The following MFHAS1 variants were observed in gnomAD, a reference collection of about 807,000 sequenced individuals.
The protein encoded by MFHAS1 is multifunctional ROCO family signaling regulator 1.
In MFHAS1, 50 loss-of-function variants were observed where a neutral mutation model predicts 70.4. The ratio of observed to expected loss-of-function variants is 0.71; its 90% CI spans 0.57 to 0.90. MFHAS1 has a LOEUF of 0.90. Among genes scored for constraint, MFHAS1 ranks in the 40% least tolerant of loss-of-function variants. The probability of loss-of-function intolerance (pLI) is 0.00; values close to 1 mark genes in which losing one functional copy is unlikely to be tolerated. For synonymous variants in MFHAS1, 952 were observed against 620.0 expected (o/e 1.54, Z -7.96); for missense variants, 1,795 against 1,347.6 (o/e 1.33, Z -5.20).
chr8:8,815,651 T>C (rs140020783), intron 1 of MFHAS1, among the ~76,000 whole-genome samples: 1 of 152,320 alleles, frequency 6.6e-6, no homozygotes, highest in African/African-American at 2.4e-5. Context: ...GTTTGTTGCA[T>C]GCCTACTAGA....
intron 1 of MFHAS1, among the ~76,000 whole-genome samples, chr8:8,806,043 T>C (rs1806277417): frequency 6.6e-6 from 1 of 152,202 alleles, no homozygotes; most frequent in African/African-American, 2.4e-5. Context: ...AAATAATTCA[T>C]ACAAATCCAA....
chr8:8,852,953 C>T (rs551476852), intron 1 of MFHAS1, among the ~76,000 whole-genome samples: 2 of 152,100 alleles, frequency 1.3e-5, no homozygotes, highest in South Asian at 2.1e-4. Context: ...CATTTATACC[C>T]GGATGTATTT....
chr8:8,845,577 G>A (rs772527848), intron 1 of MFHAS1, among the ~76,000 whole-genome samples: 34 of 152,096 alleles, frequency 2.2e-4, no homozygotes, highest in African/African-American at 1.9e-4. Flanking sequence ...GGCAGGCTCC[G>A]GGGAATGCTT....
intron 1 of MFHAS1, among the ~76,000 whole-genome samples, chr8:8,886,529 G>T (rs1809758254): frequency 6.6e-6 from 1 of 152,082 alleles, no homozygotes; most frequent in Admixed American, 6.5e-5. Flanking sequence ...ACTTCCCGTG[G>T]TCAACTACAG....
At chr8:8,802,992 C>T (rs974258798) in intron 1 of MFHAS1, among the ~76,000 whole-genome samples, 8 of 152,148 alleles carry the variant, frequency 5.3e-5, no homozygotes, top group African/African-American at 1.9e-4. Context: ...CCTGCATAGC[C>T]ACTAACAAGT....
chr8:8,855,653 CA>C (rs1293332816), intron 1 of MFHAS1, among the ~76,000 whole-genome samples: 2 of 152,054 alleles, frequency 1.3e-5, no homozygotes, highest in Admixed American at 1.3e-4. Context: ...GTCAGAAGTT[CA>C]AGACCAGCCT....
At chr8:8,804,146 G>A (rs956337230) in intron 1 of MFHAS1, among the ~76,000 whole-genome samples, 4 of 152,096 alleles carry the variant, frequency 2.6e-5, no homozygotes, top group Non-Finnish European at 5.9e-5. Flanking sequence ...CAAACTCATA[G>A]GCTCACTTGA....
intron 2 of MFHAS1, among the ~76,000 whole-genome samples, chr8:8,794,606 G>A (rs1014809833): frequency 6.6e-6 from 1 of 152,144 alleles, no homozygotes; most frequent in Non-Finnish European, 1.5e-5. Context: ...CCTTGCAGCT[G>A]CACTAAAATA....
chr8:8,806,305 G>A (rs927920426), intron 1 of MFHAS1, among the ~76,000 whole-genome samples: 2 of 152,152 alleles, frequency 1.3e-5, no homozygotes, highest in African/African-American at 4.8e-5. Flanking sequence ...AACTTCAGGA[G>A]CATTCCACTT....
intron 1 of MFHAS1, 31 bp from the exon 2 acceptor site, chr8:8,797,522 G>A (rs771724022): frequency 3.1e-6 from 5 of 1,601,238 alleles, no homozygotes; most frequent in South Asian, 2.2e-5. Flanking sequence ...ACGTGTTAGG[G>A]AGATGTGCAC....
Position 8,891,986 on chromosome 8 carries a change from G to A in MFHAS1, c.1073C>T (p.Pro358Leu), listed in dbSNP as rs952095213. ...VLQGNQIAVL[P>L]DHFGQLSRVG... The stretch of plus-strand genomic sequence containing the variant: ...CCGGGAGAGCTGGCCAAAGTGGTCG[G>A]GCAGCACCGCGATCTGGTTCCCCTG... Residue 358 changes from proline (P) to leucine (L), a missense_variant, in exon 1 of 3, where the codon CCC becomes CTC. Physicochemically the swap from Pro to Leu is moderately conservative, Grantham distance 98 (BLOSUM62 -3). Coordinates refer to ENST00000276282, the MANE Select transcript of MFHAS1 (RefSeq NM_004225.3). The surrounding 1 kb of genome is among the most constrained non-coding windows in gnomAD (Gnocchi z 5.4). 1 of 1,613,312 alleles carries A rather than the reference G, an allele frequency of 6.2e-7. No homozygotes were observed. The highest frequency in any genetic ancestry group is 8.5e-7 in the Non-Finnish European group (1 of 1,179,858).
intron 1 of MFHAS1, among the ~76,000 whole-genome samples, chr8:8,815,087 G>C (rs972180587): frequency 6.6e-6 from 1 of 152,068 alleles, no homozygotes; most frequent in Non-Finnish European, 1.5e-5. Flanking sequence ...TCATTGTTCA[G>C]CTCCCACTTA....
intron 1 of MFHAS1, among the ~76,000 whole-genome samples, chr8:8,832,064 A>G (rs569268032): frequency 2.4e-4 from 36 of 150,508 alleles, no homozygotes; most frequent in East Asian, 7.8e-4. Flanking sequence ...GCGCGCGCGC[A>G]CACACACACA....
At chr8:8,817,571 G>GA (rs1435753016) in intron 1 of MFHAS1, among the ~76,000 whole-genome samples, 2 of 152,204 alleles carry the variant, frequency 1.3e-5, no homozygotes, top group Non-Finnish European at 2.9e-5. Flanking sequence ...AGTGCCCCTG[G>GA]ACTCCATCCC....
chr8:8,802,303 A>G (rs967477072), intron 1 of MFHAS1, among the ~76,000 whole-genome samples: 1 of 152,216 alleles, frequency 6.6e-6, no homozygotes, highest in Non-Finnish European at 1.5e-5. Context: ...TCACTACCAG[A>G]TATCCTGTGT....
intron 2 of MFHAS1, among the ~76,000 whole-genome samples, chr8:8,793,186 A>AT (rs1491041766): frequency 1.3e-5 from 2 of 152,168 alleles, no homozygotes; most frequent in South Asian, 2.1e-4. Flanking sequence ...CAAAAAAAAA[A>AT]ATATCACTAC....
intron 1 of MFHAS1, among the ~76,000 whole-genome samples, chr8:8,846,736 T>C (rs1394838016): frequency 6.6e-6 from 1 of 152,066 alleles, no homozygotes; most frequent in African/African-American, 2.4e-5. Flanking sequence ...ATAATAAGAT[T>C]GCTCATTCCC....
chr8:8,891,834 G>T lies in MFHAS1; in HGVS notation c.1225C>A (p.Arg409=), dbSNP rs753442827. The T allele has an allele frequency of 1.9e-6, 3 of 1,612,948 alleles. No homozygotes were observed. The highest frequency in any genetic ancestry group is 2.5e-6 in the Non-Finnish European group (3 of 1,179,870). ...TGCCCCATCAGGAGCAGCTTGAGCC[G>T]GGGCTGCACCGCCGGCTGGGAATGA... is the stretch of plus-strand genomic sequence containing the variant. ...LAHSQPAVQP[R]LKLLLMGHKA... Residue 409 remains arginine (R), a synonymous_variant, in exon 1 of 3, where the codon CGG becomes AGG. Transcript: ENST00000276282. This position sits in a 1 kb window ranked among gnomAD's most constrained non-coding sequence, Gnocchi z 5.4.
rs541714002 is a variant in MFHAS1, at chr8:8,892,707, C to G, written c.352G>C (p.Val118Leu). Residue 118 changes from valine (V) to leucine (L), a missense_variant, in exon 1 of 3, where the codon GTG becomes CTG. Coordinates refer to ENST00000276282, the MANE Select transcript of MFHAS1 (RefSeq NM_004225.3). The surrounding 1 kb of genome is among the most constrained non-coding windows in gnomAD (Gnocchi z 4.7). ...AGGGCGGTCAGCCGGTTGTGGCTCA[C>G]GTCCAGCTCGGTGAGGTGGTGGCCG... ...ELGHHLTELD[V>L]SHNRLTALGA... 5 of 1,576,706 alleles carry G rather than the reference C, an allele frequency of 3.2e-6. No individual in the cohort carries two copies. Among genetic ancestry groups the G allele is most frequent in the Non-Finnish European group, 4.3e-6 (5 of 1,161,916 alleles).
Sources: gnomAD v4.1 joint callset for allele counts (sites outside exome capture counted in the v4.1 genomes callset) on GRCh38, gnomAD v4.1.1 for gene constraint, Gnocchi (gnomAD v3.1) non-coding constraint, MANE v1.5 for transcripts, NCBI Gene and HGNC (gene_info 2026-07-23, HGNC 2026-07-21) for gene names.